CYP7B1: variants seen among roughly 807,000 people sequenced by gnomAD.
CYP7B1 encodes cytochrome P450 family 7 subfamily B member 1.
Under a neutral mutation model 42.7 loss-of-function variants are expected in CYP7B1, and 29 were observed. The observed-to-expected ratio is 0.68, with a 90% CI of 0.51 to 0.93. The LOEUF (loss-of-function observed/expected upper bound fraction) is 0.93, where lower values mean the gene tolerates loss of function less well. Ranked by LOEUF, CYP7B1 falls within the 40% of genes least tolerant of loss-of-function variation. The probability of loss-of-function intolerance (pLI) is 0.00; values close to 1 mark genes in which losing one functional copy is unlikely to be tolerated. For synonymous variants in CYP7B1, 235 were observed against 218.2 expected (o/e 1.08, Z -0.68); for missense variants, 655 against 600.5 (o/e 1.09, Z -0.95).
At chr8:64,660,131 A>G (rs1806180342) in intron 1 of CYP7B1, among the ~76,000 whole-genome samples, 1 of 152,228 alleles carries the variant, frequency 6.6e-6, no homozygotes, top group Non-Finnish European at 1.5e-5. Context: ...TGAGGAAAGC[A>G]CTATTACTGT....
intron 3 of CYP7B1, 94 bp downstream of exon 3, chr8:64,615,596 TA>T: frequency 8.5e-7 from 1 of 1,179,716 alleles, no homozygotes; most frequent in Non-Finnish European, 1.3e-6. Context: ...AGAAAGAGCA[TA>T]AAAAATTTTC....
At chr8:64,670,299 C>A (rs1322313504) in intron 1 of CYP7B1, among the ~76,000 whole-genome samples, 1 of 152,152 alleles carries the variant, frequency 6.6e-6, no homozygotes, top group African/African-American at 2.4e-5. Flanking sequence ...TACATGTTTA[C>A]ATGTATTTTT....
At chr8:64,736,174 T>G (rs569653439) in intron 1 of CYP7B1, among the ~76,000 whole-genome samples, 3 of 152,178 alleles carry the variant, frequency 2.0e-5, no homozygotes. Flanking sequence ...ACTAAAAATA[T>G]AGATCTTGAT....
In CYP7B1 at chr8:64,605,593, G is replaced by A. The variant is rs143153127; in HGVS notation, c.1058-736C>T. ...CAATTTATCCTGGCAGTTTGAGGAG[G>A]AATTCCTTTGGGAATAATATGCATA... On this transcript the variant is annotated intron_variant, in intron 4 of 5. Transcript: ENST00000310193. 1.5e-3 allele frequency among the ~76,000 whole-genome samples: 221 copies of A among 152,202 alleles called. 1 individual carries two copies. Among genetic ancestry groups the A allele is most frequent in the Middle Eastern group, 6.8e-3 (2 of 292 alleles).
chr8:64,654,374 A>G (rs1365757168), intron 1 of CYP7B1, among the ~76,000 whole-genome samples: 2 of 152,204 alleles, frequency 1.3e-5, no homozygotes, highest in African/African-American at 4.8e-5. Flanking sequence ...CTGTATACCA[A>G]CAACAGCCAA....
At chr8:64,676,183 C>A (rs1420714907) in intron 1 of CYP7B1, among the ~76,000 whole-genome samples, 1 of 152,094 alleles carries the variant, frequency 6.6e-6, no homozygotes, top group Non-Finnish European at 1.5e-5. Flanking sequence ...GAATTATTTT[C>A]TCAACCATTC....
intron 1 of CYP7B1, among the ~76,000 whole-genome samples, chr8:64,762,869 C>T (rs764602876): frequency 2.0e-5 from 3 of 152,060 alleles, no homozygotes; most frequent in African/African-American, 4.8e-5. Context: ...TATGTTTTTT[C>T]AGATGTTTCT....
intron 1 of CYP7B1, among the ~76,000 whole-genome samples, chr8:64,711,118 A>G (rs1361759404): frequency 1.3e-5 from 2 of 152,188 alleles, no homozygotes; most frequent in African/African-American, 4.8e-5. Flanking sequence ...GGGAGGGAGT[A>G]AAAGGTTTTC....
chr8:64,601,349 G>C (rs2129629861), intron 5 of CYP7B1, among the ~76,000 whole-genome samples: 1 of 152,242 alleles, frequency 6.6e-6, no homozygotes, highest in Non-Finnish European at 1.5e-5. Flanking sequence ...GTTATATAAT[G>C]CATTGCCATC....
chr8:64,757,509 C>T (rs1192068647), intron 1 of CYP7B1, among the ~76,000 whole-genome samples: 1 of 152,136 alleles, frequency 6.6e-6, no homozygotes, highest in Non-Finnish European at 1.5e-5. Flanking sequence ...ATGTATACAG[C>T]CTTTATAAGG....
chr8:64,638,089 A>C (rs1805800060), intron 1 of CYP7B1, among the ~76,000 whole-genome samples: 1 of 150,210 alleles, frequency 6.7e-6, no homozygotes, highest in African/African-American at 2.4e-5. Flanking sequence ...TGCAATTTCT[A>C]CTCTTATTTT....
intron 1 of CYP7B1, among the ~76,000 whole-genome samples, chr8:64,763,077 G>A (rs1303891840): frequency 2.6e-5 from 4 of 152,004 alleles, no homozygotes; most frequent in African/African-American, 9.7e-5. Flanking sequence ...TTCGCTGGCC[G>A]TCCACCACTG....
intron 1 of CYP7B1, among the ~76,000 whole-genome samples, chr8:64,708,551 G>A (rs908179997): frequency 6.6e-6 from 1 of 152,110 alleles, no homozygotes; most frequent in African/African-American, 2.4e-5. Context: ...GTTTCAGTTT[G>A]TTGCTTTATG....
At chr8:64,798,415 C>T (rs928537346) in intron 1 of CYP7B1, 51 bp downstream of exon 1, 3 of 1,446,724 alleles carry the variant, frequency 2.1e-6, no homozygotes, top group South Asian at 1.4e-5. Context: ...GGGTCGCGCG[C>T]GGCCCGCGGG....
intron 5 of CYP7B1, 45 bp downstream of exon 5, chr8:64,604,637 C>T (rs1805248449): frequency 6.2e-7 from 1 of 1,609,980 alleles, no homozygotes; most frequent in Non-Finnish European, 8.5e-7. Flanking sequence ...GGAATGTGCC[C>T]ACAGGATCTA....
intron 1 of CYP7B1, among the ~76,000 whole-genome samples, chr8:64,749,060 CTTTTT>C (rs1239956545): frequency 6.6e-6 from 1 of 151,902 alleles, no homozygotes; most frequent in Non-Finnish European, 1.5e-5. Flanking sequence ...ATTTGGTTTT[CTTTTT>C]TATTTTCTTT....
At chr8:64,733,137 CA>C (rs1236647933) in intron 1 of CYP7B1, among the ~76,000 whole-genome samples, 7 of 152,152 alleles carry the variant, frequency 4.6e-5, no homozygotes, top group African/African-American at 1.7e-4. Flanking sequence ...TGCACTAATA[CA>C]ATATGTATGC....
intron 1 of CYP7B1, among the ~76,000 whole-genome samples, chr8:64,716,943 G>A (rs1807164916): frequency 2.0e-5 from 3 of 152,102 alleles, no homozygotes; most frequent in African/African-American, 7.2e-5. Context: ...TTATAGGTTT[G>A]TCTATTTTTC....
At chr8:64,745,275 T>C (rs1807627531) in intron 1 of CYP7B1, among the ~76,000 whole-genome samples, 2 of 152,226 alleles carry the variant, frequency 1.3e-5, no homozygotes, top group South Asian at 4.1e-4. Flanking sequence ...TTAATATTTA[T>C]GCAAATATTG....
Sources: gnomAD v4.1 joint callset for allele counts (sites outside exome capture counted in the v4.1 genomes callset) on GRCh38, gnomAD v4.1.1 for gene constraint, MANE v1.5 for transcripts, NCBI Gene and HGNC (gene_info 2026-07-23, HGNC 2026-07-21) for gene names.